ANKRD6: variants seen among roughly 807,000 people sequenced by gnomAD.
ANKRD6 encodes the protein ankyrin repeat domain-containing protein 6.
A neutral mutation model predicts 82.3 loss-of-function variants in ANKRD6; 56 were observed. That is an observed-to-expected ratio of 0.68 (90% confidence interval 0.55 to 0.85). ANKRD6 has a LOEUF of 0.85. ANKRD6 is among the 40% of genes least tolerant of loss of function. The pLI, the probability that ANKRD6 is intolerant of heterozygous loss-of-function variation, is 0.00. For missense variants in ANKRD6, 852 were observed against 907.6 expected (o/e 0.94, Z 0.79); for synonymous variants, 347 against 352.1 (o/e 0.99, Z 0.16).
chr6:89,601,579 CTTTTTAA>C (rs1215073674), intron 3 of ANKRD6: 1 of 152,022 alleles, frequency 6.6e-6, no homozygotes, highest in East Asian at 1.9e-4. Context: ...TAAAGGGAGA[CTTTTTAA>C]TTTTAAGAAA....
chr6:89,454,469 TA>T (rs1052949512), intron 1 of ANKRD6, among the ~76,000 whole-genome samples: 1 of 152,244 alleles, frequency 6.6e-6, no homozygotes, highest in African/African-American at 2.4e-5. Flanking sequence ...AAGAACTGAA[TA>T]ACAGATGAGG....
intron 1 of ANKRD6, among the ~76,000 whole-genome samples, chr6:89,449,010 A>C (rs935563667): frequency 1.4e-5 from 2 of 147,412 alleles, no homozygotes; most frequent in Non-Finnish European, 3.0e-5. Context: ...AACCTGGGAG[A>C]CACAGCGAGA....
At chr6:89,612,840 G>A (rs1449677737) in intron 6 of ANKRD6, among the ~76,000 whole-genome samples, 1 of 152,186 alleles carries the variant, frequency 6.6e-6, no homozygotes, top group Non-Finnish European at 1.5e-5. Context: ...TGACCGGAAA[G>A]GTCACATGGG....
chr6:89,589,244 G>A (rs1411063974), intron 2 of ANKRD6, among the ~76,000 whole-genome samples: 1 of 152,160 alleles, frequency 6.6e-6, no homozygotes, highest in Non-Finnish European at 1.5e-5. Flanking sequence ...AGGGACCAGG[G>A]TCATGGCCCT....
rs868031594 is a variant in ANKRD6 at position 89,455,151 on chromosome 6, G to T, written c.-144+21776G>T. Among the ~76,000 whole-genome samples the T allele has an allele frequency of 6.8e-3, 950 of 139,924 alleles. 21 individuals carry two copies. Among genetic ancestry groups the T allele is most frequent in the African/African-American group, 0.023 (890 of 38,714 alleles). The allele number at this position is 139,924 out of a possible 152,430, so 91.8% of individuals were successfully genotyped here. A position where few individuals can be genotyped will look rare whatever the true frequency, so the allele number is the denominator to read the frequency against. Reference sequence around the variant, plus strand: ...GAGCCACCACACCCAGTGTGTGTGTGTTTTTTTTTTTTTTTAATCTATGTG... The same window carrying T: ...GAGCCACCACACCCAGTGTGTGTGTTTTTTTTTTTTTTTTTAATCTATGTG... On this transcript the variant is annotated intron_variant, in intron 1 of 15. Coordinates refer to ENST00000339746, the MANE Select transcript of ANKRD6 (RefSeq NM_001242809.2).
At chr6:89,457,141 C>T (rs1773592279) in intron 1 of ANKRD6, among the ~76,000 whole-genome samples, 1 of 152,160 alleles carries the variant, frequency 6.6e-6, no homozygotes. Flanking sequence ...TTCCTCAAGG[C>T]ATGGCAGCTG....
At chr6:89,476,777 A>G (rs1002478175) in intron 1 of ANKRD6, among the ~76,000 whole-genome samples, 32 of 152,228 alleles carry the variant, frequency 2.1e-4, no homozygotes, top group Admixed American at 3.3e-4. Flanking sequence ...ACTCCTGTTA[A>G]TAAATTCTGT....
chr6:89,434,239 G>A (rs1770341045), intron 1 of ANKRD6, among the ~76,000 whole-genome samples: 1 of 152,156 alleles, frequency 6.6e-6, no homozygotes, highest in South Asian at 2.1e-4. Flanking sequence ...ACATAACCTC[G>A]TAGTATTGTG....
At chr6:89,616,919 G>A in intron 8 of ANKRD6, 1 of 615,952 alleles carries the variant, frequency 1.6e-6, no homozygotes, top group Middle Eastern at 2.5e-4. Context: ...AAGAACTCAG[G>A]GATGTCCAGT....
In ANKRD6 at chr6:89,514,864, G is replaced by A. The variant is rs115603250; in HGVS notation, c.-143-51970G>A. ...TTGCTCCAGATCTGTGTCAACCATG[G>A]TGTTTCCAGTCTTTTAAAATTTTAG... On this transcript the variant is annotated intron_variant, in intron 1 of 15. Coordinates refer to ENST00000339746, the MANE Select transcript of ANKRD6 (RefSeq NM_001242809.2). Among the ~76,000 whole-genome samples the A allele has an allele frequency of 1.5e-3, 233 of 152,298 alleles. 2 individuals are homozygous for A. Among genetic ancestry groups the A allele is most frequent in the African/African-American group, 5.4e-3 (223 of 41,562 alleles).
chr6:89,591,348 C>G (rs1363154276), intron 2 of ANKRD6, among the ~76,000 whole-genome samples: 1 of 152,142 alleles, frequency 6.6e-6, no homozygotes, highest in Non-Finnish European at 1.5e-5. Flanking sequence ...GTGATCCACC[C>G]GCCTTGGCCT....
At chr6:89,440,521 G>A (rs1270508469) in intron 1 of ANKRD6, among the ~76,000 whole-genome samples, 2 of 152,158 alleles carry the variant, frequency 1.3e-5, no homozygotes, top group African/African-American at 2.4e-5. Context: ...ATAGGGGAAG[G>A]CAAGGAGCTT....
intron 1 of ANKRD6, among the ~76,000 whole-genome samples, chr6:89,489,020 G>A (rs1338455503): frequency 1.3e-5 from 2 of 152,102 alleles, no homozygotes; most frequent in Non-Finnish European, 2.9e-5. Context: ...AATTCCAGAG[G>A]TGGTTTCTTA....
intron 2 of ANKRD6, among the ~76,000 whole-genome samples, chr6:89,574,607 C>A (rs909365626): frequency 1.2e-4 from 18 of 152,176 alleles, no homozygotes; most frequent in African/African-American, 3.9e-4. Context: ...ACTTTGATAG[C>A]AATTGCAAGG....
chr6:89,537,557 A>G (rs1362461549), intron 1 of ANKRD6, among the ~76,000 whole-genome samples: 2 of 152,068 alleles, frequency 1.3e-5, no homozygotes, highest in East Asian at 1.9e-4. Context: ...GCGGCTGCCT[A>G]GACCACAAAA....
intron 1 of ANKRD6, among the ~76,000 whole-genome samples, chr6:89,442,652 A>AT (rs1771558274): frequency 6.6e-6 from 1 of 151,830 alleles, no homozygotes; most frequent in African/African-American, 2.4e-5. Flanking sequence ...AAAAAAAAAA[A>AT]AAAAAGACAG....
intron 1 of ANKRD6, among the ~76,000 whole-genome samples, chr6:89,444,495 C>A (rs1282551456): frequency 6.6e-6 from 1 of 152,128 alleles, no homozygotes; most frequent in Admixed American, 6.6e-5. Context: ...ATCTTTGTTA[C>A]CTTGCTGAAA....
At chr6:89,598,076 A>G in intron 3 of ANKRD6, 1 of 979,138 alleles carries the variant, frequency 1.0e-6, no homozygotes, top group African/African-American at 1.7e-5. Flanking sequence ...ATTTACTCCT[A>G]ACTTCATATT....
intron 8 of ANKRD6, 56 bp from the exon 9 acceptor site, chr6:89,617,898 A>G: frequency 6.5e-7 from 1 of 1,538,260 alleles, no homozygotes; most frequent in Non-Finnish European, 9.0e-7. Context: ...CAGCTGGGCT[A>G]TGTGCGTGTG....
Sources: allele counts gnomAD v4.1 joint callset (sites outside exome capture counted in the v4.1 genomes callset), GRCh38; gene constraint gnomAD v4.1.1; transcripts MANE v1.5; gene names NCBI Gene and HGNC (gene_info 2026-07-23, HGNC 2026-07-21).